JAG2: variants seen among roughly 807,000 people sequenced by gnomAD.
The protein encoded by JAG2 is protein jagged-2.
A neutral mutation model predicts 141.7 loss-of-function variants in JAG2; 46 were observed. That is an observed-to-expected ratio of 0.32 (90% CI 0.26 to 0.42). The LOEUF is 0.42. JAG2 is among the 10% of genes least tolerant of loss of function. The pLI, the probability that JAG2 is intolerant of heterozygous loss-of-function variation, is 1.00. For synonymous variants in JAG2, 862 were observed against 763.5 expected (o/e 1.13, Z -2.13); for missense variants, 1,500 against 1,817.5 (o/e 0.83, Z 3.18).
At position 105,157,714 on chromosome 14, in the gene JAG2, G is replaced by A. The variant is rs1291806344; in HGVS notation, c.467C>T (p.Thr156Ile). 1.3e-6 allele frequency: 2 copies of A among 1,567,274 alleles called. No individual in the cohort carries two copies. The highest frequency in any genetic ancestry group is 2.4e-5 in the East Asian group (1 of 41,928). ...VEAWDWDNDTTPNEELLIERV... is the reference protein window; with the variant it reads ...VEAWDWDNDTIPNEELLIERV... ...GCCCAGGGCTCACTCACCATTCGGG[G>A]TGGTATCGTTGTCCCAGTCCCAGGC... The change falls in exon 3 of 26, where the codon ACC becomes ATC. Residue 156 changes from threonine to isoleucine, a missense_variant. Physicochemically the swap from Thr to Ile is moderately conservative, Grantham distance 89. Transcript: ENST00000331782.
intron 5 of JAG2, 24 bp from the exon 6 acceptor site, chr14:105,152,315 A>C (rs1888461207): frequency 1.9e-6 from 3 of 1,610,336 alleles, no homozygotes; most frequent in Non-Finnish European, 2.5e-6. Context: ...GAGGGGCGCA[A>C]GACCCAGTGA....
chr14:105,157,333 C>A (rs1458093029), intron 3 of JAG2, among the ~76,000 whole-genome samples: 1 of 151,846 alleles, frequency 6.6e-6, no homozygotes, highest in Non-Finnish European at 1.5e-5. Context: ...CCCTGCAGGG[C>A]CCTGCAGAGC....
At position 105,145,605 on chromosome 14, in the gene JAG2, G is replaced by A. The variant is rs948139341; in HGVS notation, c.2952+126C>T. The A allele has an allele frequency of 6.3e-6, 8 of 1,265,956 alleles. No individual in the cohort carries two copies. In the African/African-American group the frequency reaches 8.9e-5, roughly 14 times the overall value. The allele number at this position is 1,265,956 out of a possible 1,614,324, so 78.4% of individuals were successfully genotyped here. A position where few individuals can be genotyped will look rare whatever the true frequency, so the allele number is the denominator to read the frequency against. ...ATCTGACCCCACAGGGCCACTCTCT[G>A]TGACCAAGAGTGACTCTGCTCAGCC... On this transcript the variant is annotated intron_variant, in intron 23 of 25. Coordinates refer to ENST00000331782, the MANE Select transcript of JAG2 (RefSeq NM_002226.5).
chr14:105,146,025 T>C (rs1888212612), intron 22 of JAG2, 52 bp from the exon 23 acceptor site: 3 of 1,569,760 alleles, frequency 1.9e-6, no homozygotes, highest in East Asian at 2.3e-5. Context: ...GAGGGTCAGA[T>C]GCAGGCACAC....
Position 105,146,627 on chromosome 14 carries a change from G to A in JAG2, c.2577C>T (p.Gly859=). Residue 859 remains glycine, a synonymous_variant, in exon 21 of 26, where the codon GGC becomes GGT. Coordinates refer to ENST00000331782, the MANE Select transcript of JAG2 (RefSeq NM_002226.5). ...GGGGCCTACCTTCCTGGCACCGGGGGCCGGCTCGGCCGGGTGGGCAGCTAC... is the reference window on the plus strand; with the variant it reads ...GGGGCCTACCTTCCTGGCACCGGGGACCGGCTCGGCCGGGTGGGCAGCTAC... ...YRCSCPPGRA[G]PRCQEVIGFG... is the part of the protein sequence containing the mutation. 1.2e-6 allele frequency: 2 copies of A among 1,612,556 alleles called. No individual in the cohort carries two copies. Among genetic ancestry groups the A allele is most frequent in the Non-Finnish European group, 1.7e-6 (2 of 1,179,806 alleles).
In JAG2 at chr14:105,156,000, C is replaced by T. The variant is rs748237358; in HGVS notation, c.476-11G>A. On this transcript the variant is annotated splice_polypyrimidine_tract_variant and intron_variant, in intron 3 of 25. Transcript: ENST00000331782. ...CGATCAGCAGCTCCTCTTGGGGAGG[C>T]GGCAGAGTCAGCACAGGCCAGAGAA... 163 of 1,600,604 alleles carry T rather than the reference C, an allele frequency of 1.0e-4. 1 individual carries two copies. Among genetic ancestry groups the T allele is most frequent in the Non-Finnish European group, 1.3e-4 (155 of 1,178,944 alleles).
At chr14:105,158,219 C>G (rs587603325) in intron 2 of JAG2, among the ~76,000 whole-genome samples, 1 of 152,238 alleles carries the variant, frequency 6.6e-6, no homozygotes, top group East Asian at 1.9e-4. Context: ...AACGTGGGGC[C>G]CCATCACCAC....
At chr14:105,162,030 C>T (rs892362977) in intron 2 of JAG2, among the ~76,000 whole-genome samples, 1 of 152,166 alleles carries the variant, frequency 6.6e-6, no homozygotes, top group Admixed American at 6.5e-5. Context: ...CTTCTAGGAA[C>T]GGGGCTGGGA....
In JAG2 at chr14:105,165,333, G is replaced by A. The variant is rs587601308; in HGVS notation, c.417+2424C>T. On this transcript the variant is annotated intron_variant, in intron 2 of 25. Transcript: ENST00000331782. ...CATCACCACCTGCCATGCCTACAGA[G>A]CACCCGGGGTGCGTGCACACACGCA... Among the ~76,000 whole-genome samples, 21 of 152,358 alleles carry A rather than the reference G, an allele frequency of 1.4e-4. No individual in the cohort carries two copies. The South Asian group carries it at 4.1e-3, about 30-fold the overall frequency.
chr14:105,152,353 G>A (rs940902093), intron 5 of JAG2, 62 bp from the exon 6 acceptor site: 10 of 1,575,034 alleles, frequency 6.3e-6, no homozygotes, highest in Non-Finnish European at 8.6e-6. Flanking sequence ...GGTGGCAGGG[G>A]AGCCAGGCAC....
At chr14:105,166,804 G>A (rs961251347) in intron 2 of JAG2, among the ~76,000 whole-genome samples, 2 of 152,336 alleles carry the variant, frequency 1.3e-5, no homozygotes, top group East Asian at 3.9e-4. Context: ...CTGGCTCCCA[G>A]ATCCATCTAC....
At position 105,167,760 on chromosome 14, in the gene JAG2, C is replaced by T; in HGVS notation, c.414G>A (p.Trp138Ter). The change falls in exon 2 of 26, where the codon TGG becomes TGA. Residue 138 changes from tryptophan (W) to a stop codon, truncating the protein, a stop_gained. Coordinates refer to ENST00000331782, the MANE Select transcript of JAG2 (RefSeq NM_002226.5). LOFTEE classifies it high-confidence loss of function. This position sits in a 1 kb window ranked among gnomAD's most constrained non-coding sequence, Gnocchi z 4.8. ...GLVVIPFQFA[W>*]PRSFTLIVEA... ...ACGAGGGATGGAGCGCACGTACCGG[C>T]CAGGCGAACTGGAAGGGGATGACGA... The T allele has an allele frequency of 6.9e-7, 1 of 1,458,262 alleles. No homozygotes were observed. The highest frequency in any genetic ancestry group is 9.0e-7 in the Non-Finnish European group (1 of 1,107,212). 90.3% of individuals were successfully genotyped at this position (1,458,262 alleles called of 1,614,324 possible).
chr14:105,164,966 C>T (rs1275608817), intron 2 of JAG2, among the ~76,000 whole-genome samples: 1 of 152,186 alleles, frequency 6.6e-6, no homozygotes, highest in African/African-American at 2.4e-5. Flanking sequence ...TCACCCATCC[C>T]GTTCTCCTCA....
At chr14:105,155,484 G>C in intron 5 of JAG2, 78 bp downstream of exon 5, 1 of 1,540,586 alleles carries the variant, frequency 6.5e-7, no homozygotes, top group African/African-American at 1.4e-5. Flanking sequence ...GGCGACTCCT[G>C]ACAGCAAGGC....
At chr14:105,152,624 G>A (rs999257647) in intron 5 of JAG2, among the ~76,000 whole-genome samples, 16 of 150,638 alleles carry the variant, frequency 1.1e-4, no homozygotes, top group Non-Finnish European at 1.8e-4. Context: ...ATGCCGGCTC[G>A]GACTCACAAG....
At chr14:105,168,147 C>T in intron 1 of JAG2, 40 bp from the exon 2 acceptor site, 1 of 1,442,008 alleles carries the variant, frequency 6.9e-7, no homozygotes, top group Non-Finnish European at 9.1e-7. Context: ...GAGGCGCGGG[C>T]CGGGGTCGGC....
intron 2 of JAG2, among the ~76,000 whole-genome samples, chr14:105,163,164 G>T (rs931068746): frequency 6.6e-6 from 1 of 152,188 alleles, no homozygotes; most frequent in African/African-American, 2.4e-5. Flanking sequence ...TGGTGCAGGC[G>T]CCAGGAGCTC....
At chr14:105,152,313 C>T in intron 5 of JAG2, 22 bp from the exon 6 acceptor site, 1 of 1,611,086 alleles carries the variant, frequency 6.2e-7, no homozygotes, top group Non-Finnish European at 8.5e-7. Flanking sequence ...AGGAGGGGCG[C>T]AAGACCCAGT....
intron 5 of JAG2, among the ~76,000 whole-genome samples, chr14:105,155,247 C>T (rs958210594): frequency 2.6e-4 from 40 of 151,992 alleles, no homozygotes; most frequent in Admixed American, 2.3e-3. Context: ...GCAGGGTTAC[C>T]GTGTCCTCTG....
Sources: gnomAD v4.1 joint callset for allele counts (sites outside exome capture counted in the v4.1 genomes callset) on GRCh38, gnomAD v4.1.1 for gene constraint, Gnocchi (gnomAD v3.1) non-coding constraint, MANE v1.5 for transcripts, NCBI Gene and HGNC (gene_info 2026-07-23, HGNC 2026-07-21) for gene names.